SMAP1: variants seen among roughly 807,000 people sequenced by gnomAD.
SMAP1 encodes small ArfGAP 1.
SMAP1 carries 24 observed loss-of-function variants against 58.5 expected under a neutral mutation model. The ratio of observed to expected loss-of-function variants is 0.41; its 90% CI spans 0.30 to 0.58. The LOEUF is 0.58. Ranked by LOEUF, SMAP1 falls within the 20% of genes least tolerant of loss-of-function variation. SMAP1 has a pLI of 0.29. For synonymous variants in SMAP1, 216 were observed against 196.6 expected (o/e 1.10, Z -0.82); for missense variants, 563 against 566.3 (o/e 0.99, Z 0.06).
At chr6:70,788,413 C>A (rs1768174944) in intron 4 of SMAP1, among the ~76,000 whole-genome samples, 1 of 151,644 alleles carries the variant, frequency 6.6e-6, no homozygotes, top group Non-Finnish European at 1.5e-5. Context: ...AACAAACCTG[C>A]ACATTGTGCG....
intron 1 of SMAP1, among the ~76,000 whole-genome samples, chr6:70,722,659 G>T (rs372762150): frequency 8.5e-5 from 13 of 152,344 alleles, no homozygotes; most frequent in African/African-American, 3.1e-4. Flanking sequence ...GCAAGCCAGT[G>T]ATAACCATTG....
intron 5 of SMAP1, among the ~76,000 whole-genome samples, chr6:70,795,300 C>G (rs946402092): frequency 9.2e-5 from 14 of 152,178 alleles, no homozygotes; most frequent in African/African-American, 3.1e-4. Flanking sequence ...ATGACAATGG[C>G]CTTCTTGAGA....
intron 4 of SMAP1, among the ~76,000 whole-genome samples, chr6:70,789,430 C>T: frequency 8.4e-6 from 1 of 119,038 alleles, no homozygotes; most frequent in African/African-American, 2.9e-5. Context: ...TGAGTGGTTT[C>T]ATACACACTG....
At chr6:70,828,494 C>G (rs1314577885) in intron 6 of SMAP1, among the ~76,000 whole-genome samples, 2 of 152,172 alleles carry the variant, frequency 1.3e-5, no homozygotes, top group Non-Finnish European at 2.9e-5. Flanking sequence ...ATCACAGTCA[C>G]AAAGCCTCCC....
chr6:70,829,361 C>G (rs1770268125), intron 6 of SMAP1, among the ~76,000 whole-genome samples: 1 of 152,006 alleles, frequency 6.6e-6, no homozygotes. Context: ...GATTCTCCTA[C>G]CTCAGCCTCA....
intron 1 of SMAP1, among the ~76,000 whole-genome samples, chr6:70,705,102 G>A (rs1005693863): frequency 2.6e-5 from 4 of 152,102 alleles, no homozygotes; most frequent in Non-Finnish European, 5.9e-5. Context: ...ATGACAGTGA[G>A]TCAATGAATG....
At chr6:70,762,205 T>G (rs1050824444) in intron 3 of SMAP1, among the ~76,000 whole-genome samples, 3 of 152,152 alleles carry the variant, frequency 2.0e-5, no homozygotes, top group African/African-American at 7.2e-5. Context: ...TAGTACTGAA[T>G]AGAATTCAGG....
intron 1 of SMAP1, among the ~76,000 whole-genome samples, chr6:70,669,387 C>T (rs981631266): frequency 1.3e-5 from 2 of 152,118 alleles, no homozygotes; most frequent in Non-Finnish European, 2.9e-5. Flanking sequence ...ACTTCACTGT[C>T]GTAACAGGTA....
At chr6:70,770,857 GT>G (rs1182764713) in intron 3 of SMAP1, among the ~76,000 whole-genome samples, 1 of 152,108 alleles carries the variant, frequency 6.6e-6, no homozygotes, top group Non-Finnish European at 1.5e-5. Flanking sequence ...TTTCTGCTCT[GT>G]TTTTTCCCCA....
At chr6:70,823,479 T>C (rs1430436002) in intron 6 of SMAP1, among the ~76,000 whole-genome samples, 2 of 152,146 alleles carry the variant, frequency 1.3e-5, no homozygotes, top group Non-Finnish European at 2.9e-5. Context: ...TAGTTTCTCT[T>C]CAGGGCAGGC....
intron 3 of SMAP1, among the ~76,000 whole-genome samples, chr6:70,757,140 A>G (rs915215434): frequency 3.9e-5 from 6 of 152,148 alleles, no homozygotes; most frequent in South Asian, 4.1e-4. Context: ...TACAGTAACC[A>G]AAACAGCATG....
intron 2 of SMAP1, among the ~76,000 whole-genome samples, chr6:70,738,927 TATTTC>T (rs1765715608): frequency 6.6e-6 from 1 of 152,200 alleles, no homozygotes; most frequent in Non-Finnish European, 1.5e-5. Context: ...CTGACATAGT[TATTTC>T]AAGTAAAGTT....
chr6:70,856,777 T>A, intron 8 of SMAP1, 82 bp from the exon 9 acceptor site: 1 of 1,375,684 alleles, frequency 7.3e-7, no homozygotes, highest in African/African-American at 1.5e-5. Flanking sequence ...TCTAATTTTA[T>A]AACTTTATTT....
intron 7 of SMAP1, among the ~76,000 whole-genome samples, chr6:70,846,339 G>A (rs1010537266): frequency 7.2e-5 from 11 of 152,196 alleles, no homozygotes; most frequent in Admixed American, 1.3e-4. Context: ...CTTAATCCAC[G>A]CATTGAATTA....
intron 4 of SMAP1, among the ~76,000 whole-genome samples, chr6:70,774,415 G>A (rs1218132754): frequency 6.6e-6 from 1 of 152,148 alleles, no homozygotes; most frequent in East Asian, 1.9e-4. Context: ...GAAGTCATCT[G>A]TCAAGCAATT....
chr6:70,776,075 G>T (rs1260354938), intron 4 of SMAP1, among the ~76,000 whole-genome samples: 1 of 152,086 alleles, frequency 6.6e-6, no homozygotes, highest in African/African-American at 2.4e-5. Flanking sequence ...TTATCACAGT[G>T]GAGACAGGAA....
chr6:70,846,227 G>A (rs1463058821), intron 7 of SMAP1, among the ~76,000 whole-genome samples: 1 of 152,168 alleles, frequency 6.6e-6, no homozygotes, highest in African/African-American at 2.4e-5. Flanking sequence ...AGGATCACCT[G>A]AACTACTATT....
chr6:70,832,848 C>T (rs1458453916), intron 6 of SMAP1, among the ~76,000 whole-genome samples: 1 of 152,168 alleles, frequency 6.6e-6, no homozygotes, highest in Non-Finnish European at 1.5e-5. Context: ...CTAGACTCCA[C>T]CTTTCAACAC....
chr6:70,859,383 C>A, intron 10 of SMAP1: 1 of 1,549,312 alleles, frequency 6.5e-7, no homozygotes, highest in South Asian at 1.2e-5. Context: ...AATCTACTGG[C>A]CAATGACAAG....
Sources: gnomAD v4.1 joint callset for allele counts (sites outside exome capture counted in the v4.1 genomes callset) on GRCh38, gnomAD v4.1.1 for gene constraint, MANE v1.5 for transcripts, NCBI Gene and HGNC (gene_info 2026-07-23, HGNC 2026-07-21) for gene names.